Variants in M1AP observed in about 807,000 individuals in gnomAD.
M1AP encodes meiosis 1 associated protein, also known as meiosis 1 arrest protein.
Under a neutral mutation model 51.2 loss-of-function variants are expected in M1AP, and 39 were observed. That is an observed-to-expected ratio of 0.76 (90% confidence interval 0.59 to 1.00). The LOEUF (loss-of-function observed/expected upper bound fraction) is 1.00. Among genes scored for constraint, M1AP ranks in the 50% least tolerant of loss-of-function variants. The pLI is 0.00. For missense variants in M1AP, 545 were observed against 641.2 expected, an observed-to-expected ratio of 0.85 and a Z score of 1.62; for synonymous variants, 251 against 249.2, an observed-to-expected ratio of 1.01 and a Z score of -0.07.
chr2:74,647,589 A>C (rs556565165), intron 1 of M1AP: 2 of 194,330 alleles, frequency 1.0e-5, no homozygotes, highest in South Asian at 3.5e-4. Flanking sequence ...GGTTCACTTT[A>C]AACGAAATGA....
At chr2:74,589,201 T>C (rs1205736369) in intron 4 of M1AP, among the ~76,000 whole-genome samples, 1 of 152,194 alleles carries the variant, frequency 6.6e-6, no homozygotes, top group South Asian at 2.1e-4. Context: ...TTGTTTCTTA[T>C]AGAGAGATGA....
At chr2:74,600,740 A>G (rs1680626243) in intron 4 of M1AP, among the ~76,000 whole-genome samples, 1 of 152,208 alleles carries the variant, frequency 6.6e-6, no homozygotes, top group South Asian at 2.1e-4. Context: ...AAGTTTTATA[A>G]TATTATGTTA....
intron 7 of M1AP, chr2:74,575,130 A>G (rs1198083133): frequency 5.3e-6 from 1 of 187,522 alleles, no homozygotes; most frequent in African/African-American, 2.4e-5. Flanking sequence ...TATCAGTGTT[A>G]GGAAGGAAGT....
intron 2 of M1AP, among the ~76,000 whole-genome samples, chr2:74,635,711 C>T (rs1288896030): frequency 6.6e-6 from 1 of 152,004 alleles, no homozygotes; most frequent in Non-Finnish European, 1.5e-5. Context: ...TTTAAAATTT[C>T]CCTTGACATT....
At chr2:74,581,879 T>G (rs1477836254) in intron 4 of M1AP, 32 bp from the exon 5 acceptor site, 1 of 1,574,026 alleles carries the variant, frequency 6.4e-7, no homozygotes, top group Non-Finnish European at 8.6e-7. Context: ...AGTGTTCACT[T>G]AGATTGTAAA....
At chr2:74,561,217 AAGGAGG>A (rs1558643914) in intron 8 of M1AP, among the ~76,000 whole-genome samples, 1 of 24,726 alleles carries the variant, frequency 4.0e-5, no homozygotes, top group Non-Finnish European at 1.0e-4. Flanking sequence ...GGAGGAGGAG[AAGGAGG>A]AGGAGGAGAA....
At chr2:74,602,666 A>C (rs1263296846) in intron 4 of M1AP, among the ~76,000 whole-genome samples, 4 of 152,226 alleles carry the variant, frequency 2.6e-5, no homozygotes, top group Admixed American at 2.6e-4. Context: ...GATGAAGTAA[A>C]ACACTAAGGG....
intron 2 of M1AP, chr2:74,615,557 TGA>T (rs1334400017): frequency 1.1e-5 from 2 of 184,162 alleles, no homozygotes; most frequent in East Asian, 2.5e-4. Context: ...TACTTAAAAA[TGA>T]GGTTTTCCCA....
At chr2:74,592,083 A>AT (rs1364737294) in intron 4 of M1AP, among the ~76,000 whole-genome samples, 1 of 152,088 alleles carries the variant, frequency 6.6e-6, no homozygotes, top group Non-Finnish European at 1.5e-5. Context: ...GATTACAGGC[A>AT]TAAGTCACTG....
chr2:74,563,296 T>G (rs1235976834), intron 7 of M1AP, among the ~76,000 whole-genome samples: 1 of 150,926 alleles, frequency 6.6e-6, no homozygotes, highest in African/African-American at 2.4e-5. Flanking sequence ...GCCTGCAAAG[T>G]GGGAGGAGAA....
chr2:74,624,626 T>C (rs1405984209), intron 2 of M1AP, among the ~76,000 whole-genome samples: 4 of 152,228 alleles, frequency 2.6e-5, no homozygotes, highest in African/African-American at 9.6e-5. Flanking sequence ...TTTATCAGCA[T>C]AAATGTATTT....
chr2:74,608,265 G>GCAA (rs1267678227), intron 3 of M1AP, among the ~76,000 whole-genome samples: 2 of 151,978 alleles, frequency 1.3e-5, no homozygotes, highest in Non-Finnish European at 2.9e-5. Flanking sequence ...TCAACCCTTG[G>GCAA]CAACCATTGA....
chr2:74,607,577 G>A lies in M1AP; in HGVS notation c.427-354C>T, dbSNP rs369301314. ...CAACCTCCGCCTTCCGGGGTCAAGT[G>A]ATTCTCCTGCCTCAGCCTCCTGGAT... On this transcript the variant is annotated intron_variant, in intron 3 of 10. Coordinates refer to ENST00000421985, the MANE Select transcript of M1AP (RefSeq NM_001321739.2). 1.3e-3 allele frequency among the ~76,000 whole-genome samples: 192 copies of A among 152,266 alleles called. 2 individuals are homozygous for A. The highest frequency in any genetic ancestry group is 4.5e-3 in the African/African-American group (185 of 41,552).
At chr2:74,642,146 C>T (rs761368944) in intron 1 of M1AP, among the ~76,000 whole-genome samples, 3 of 151,916 alleles carry the variant, frequency 2.0e-5, no homozygotes, top group Non-Finnish European at 4.4e-5. Flanking sequence ...ATTAATTTTA[C>T]GAGGTTAGCA....
rs371292696 is a variant in M1AP, at chr2:74,607,138, C to T, written c.512G>A (p.Arg171Lys). Residue 171 changes from arginine (R) to lysine (K), a missense_variant, in exon 4 of 11, where the codon AGG becomes AAG. Arg to Lys is a conservative substitution (Grantham distance 26). Coordinates refer to ENST00000421985, the MANE Select transcript of M1AP (RefSeq NM_001321739.2). ...GLKDTDLARV[R>K]RFQVVEVTKG... is the part of the protein sequence containing the mutation. Reference sequence around the variant, plus strand: ...TGTGACCTCAACGACCTGAAACCTCCTGACTCTGGCTAGGTCTGTATCTTT... The same window carrying T: ...TGTGACCTCAACGACCTGAAACCTCTTGACTCTGGCTAGGTCTGTATCTTT... 3 of 1,614,098 alleles carry T rather than the reference C, an allele frequency of 1.9e-6. No homozygotes were observed. The highest frequency in any genetic ancestry group is 2.5e-6 in the Non-Finnish European group (3 of 1,180,038).
chr2:74,620,112 G>A (rs1033474993), intron 2 of M1AP, among the ~76,000 whole-genome samples: 3 of 152,114 alleles, frequency 2.0e-5, no homozygotes, highest in African/African-American at 7.2e-5. Context: ...TTAAGTTTCT[G>A]TTTCTTATTT....
intron 3 of M1AP, among the ~76,000 whole-genome samples, chr2:74,609,681 G>A (rs761874196): frequency 5.3e-5 from 8 of 152,156 alleles, no homozygotes; most frequent in Non-Finnish European, 8.8e-5. Context: ...TACCAAAAAT[G>A]TAAGGAGGGT....
intron 4 of M1AP, among the ~76,000 whole-genome samples, chr2:74,606,137 A>C (rs1356342858): frequency 6.6e-6 from 1 of 152,236 alleles, no homozygotes; most frequent in Non-Finnish European, 1.5e-5. Context: ...AGTGGTGGGA[A>C]GGAAGCAGGA....
At position 74,602,816 on chromosome 2, in the gene M1AP, T is replaced by C. The variant is rs189651618; in HGVS notation, c.595+4239A>G. Among the ~76,000 whole-genome samples, 149 of 152,340 alleles carry C rather than the reference T, an allele frequency of 9.8e-4. 1 individual carries two copies. Among genetic ancestry groups the C allele is most frequent in the African/African-American group, 3.4e-3 (142 of 41,586 alleles). ...TATTCAGAAGCAAATGGGAAGTTAC[T>C]GGAAGAGTCATCAGCACTGACACAG... On this transcript the variant is annotated intron_variant, in intron 4 of 10. Coordinates refer to ENST00000421985, the MANE Select transcript of M1AP (RefSeq NM_001321739.2).
Sources: allele counts gnomAD v4.1 joint callset (sites outside exome capture counted in the v4.1 genomes callset), GRCh38; gene constraint gnomAD v4.1.1; transcripts MANE v1.5; gene names NCBI Gene and HGNC (gene_info 2026-07-23, HGNC 2026-07-21).